Variants in OPTN observed in about 807,000 individuals in gnomAD.
OPTN encodes optineurin.
In OPTN, 54 loss-of-function variants were observed where a neutral mutation model predicts 70.4. That is an observed-to-expected ratio of 0.77 (90% CI 0.62 to 0.96). OPTN has a LOEUF of 0.96. Among genes scored for constraint, OPTN ranks in the 40% least tolerant of loss-of-function variants. The pLI, the probability that OPTN is intolerant of heterozygous loss-of-function variation, is 0.00. For missense variants in OPTN, 624 were observed against 673.2 expected, an observed-to-expected ratio of 0.93 and a Z score of 0.81; for synonymous variants, 256 against 248.5, an observed-to-expected ratio of 1.03 and a Z score of -0.28.
At chr10:13,116,934 G>A (rs886185939) in intron 6 of OPTN, among the ~76,000 whole-genome samples, 3 of 152,090 alleles carry the variant, frequency 2.0e-5, no homozygotes, top group African/African-American at 7.2e-5. Context: ...TGGGGAGGGA[G>A]GCAGACCTAG....
At chr10:13,115,435 AAT>A (rs1453258233) in intron 5 of OPTN, among the ~76,000 whole-genome samples, 15 of 104,778 alleles carry the variant, frequency 1.4e-4, no homozygotes, top group South Asian at 5.3e-4. Context: ...TATAATATAG[AAT>A]ATATATAATA....
intron 2 of OPTN, 68 bp from the exon 3 acceptor site, chr10:13,109,044 G>A: frequency 7.0e-7 from 1 of 1,432,048 alleles, no homozygotes; most frequent in Admixed American, 1.7e-5. Context: ...CAATGGGTTT[G>A]TGGGACTCCC....
intron 13 of OPTN, among the ~76,000 whole-genome samples, chr10:13,132,493 G>C (rs1254061673): frequency 6.6e-6 from 1 of 152,032 alleles, no homozygotes; most frequent in Non-Finnish European, 1.5e-5. Flanking sequence ...CAAGGATTTT[G>C]ATTTGATTTT....
At chr10:13,126,497 G>T (rs1833467635) in intron 11 of OPTN, among the ~76,000 whole-genome samples, 1 of 151,600 alleles carries the variant, frequency 6.6e-6, no homozygotes, top group Non-Finnish European at 1.5e-5. Flanking sequence ...AGCCAGGATG[G>T]TCTCGATCTC....
At position 13,116,347 on chromosome 10, in the gene OPTN, G is replaced by A; in HGVS notation, c.626+7G>A. On this transcript the variant is annotated splice_region_variant and intron_variant, in intron 6 of 14. Coordinates refer to ENST00000378747, the MANE Select transcript of OPTN (RefSeq NM_001008212.2). The stretch of plus-strand genomic sequence containing the variant: ...GAACAGTCTCCACTGGCACGTATGT[G>A]AAGGAAGACTCGGGCTGTCAGGCAG... The A allele has an allele frequency of 6.2e-7, 1 of 1,609,898 alleles. No individual in the cohort carries two copies.
intron 8 of OPTN, 58 bp downstream of exon 8, chr10:13,122,545 C>T: frequency 8.9e-7 from 1 of 1,117,964 alleles, no homozygotes; most frequent in Non-Finnish European, 1.4e-6. Flanking sequence ...GTAGTCCAGC[C>T]ACTGAATTCA....
At chr10:13,123,344 T>G (rs1483200781) in intron 8 of OPTN, 1 of 152,886 alleles carries the variant, frequency 6.5e-6, no homozygotes, top group African/African-American at 2.4e-5. Flanking sequence ...ACATAAAATA[T>G]TCACTTTAGG....
intron 8 of OPTN, chr10:13,123,141 T>C (rs1010238883): frequency 3.2e-5 from 5 of 154,750 alleles, no homozygotes; most frequent in African/African-American, 1.2e-4. Flanking sequence ...TGAGGGAGAA[T>C]TGAAAGATTT....
intron 7 of OPTN, among the ~76,000 whole-genome samples, chr10:13,121,466 G>A (rs993877840): frequency 1.6e-5 from 2 of 124,356 alleles, no homozygotes; most frequent in African/African-American, 6.5e-5. Context: ...CAGTCTGAAT[G>A]CCTTTTATTT....
chr10:13,122,614 A>T lies in OPTN; in HGVS notation c.882+127A>T, dbSNP rs1328106118. On this transcript the variant is annotated intron_variant, in intron 8 of 14. Transcript: ENST00000378747. ...AGAAATCATGTTGATATTGAATATTATCTATCTATTCCTTTTATATGTCCT... is the reference window on the plus strand; with the variant it reads ...AGAAATCATGTTGATATTGAATATTTTCTATCTATTCCTTTTATATGTCCT... 4.1e-6 allele frequency: 3 copies of T among 732,350 alleles called. No individual in the cohort carries two copies. In the Admixed American group the frequency reaches 6.0e-5, roughly 15 times the overall value. The allele number at this position is 732,350 out of a possible 1,614,324, so 45.4% of individuals were successfully genotyped here.
Position 13,132,107 on chromosome 10 carries a change from C to T in OPTN, c.1442C>T (p.Ala481Val), listed in dbSNP as rs377219791. Residue 481 changes from alanine to valine, a missense_variant, in exon 13 of 15, where the codon GCG becomes GTG. Physicochemically the swap from Ala to Val is moderately conservative, Grantham distance 64. Coordinates refer to ENST00000378747, the MANE Select transcript of OPTN (RefSeq NM_001008212.2). ...TCTGATTTTCATGCTGAAAGAGCAGCGAGAGAGAAAATTCATGAGGAAAAG... is the reference window on the plus strand; with the variant it reads ...TCTGATTTTCATGCTGAAAGAGCAGTGAGAGAGAAAATTCATGAGGAAAAG... ...YCSDFHAERA[A>V]REKIHEEKEQ... 5.5e-5 allele frequency: 88 copies of T among 1,613,102 alleles called. No homozygotes were observed. The highest frequency in any genetic ancestry group is 7.2e-5 in the Non-Finnish European group (85 of 1,179,488).
intron 2 of OPTN, chr10:13,108,908 G>A (rs369171744): frequency 2.6e-4 from 116 of 453,654 alleles, no homozygotes; most frequent in African/African-American, 2.2e-3. Flanking sequence ...ACACATGCGC[G>A]TGCACACACA....
At chr10:13,111,844 G>GTTTTTTTTTTTTTTTTT (rs34942122) in intron 4 of OPTN, among the ~76,000 whole-genome samples, 1 of 87,730 alleles carries the variant, frequency 1.1e-5, no homozygotes, top group Non-Finnish European at 2.1e-5. Flanking sequence ...TTTTTTGACT[G>GTTTTTTTTTTTTTTTTT]TTTTTTTTTT....
At chr10:13,111,200 G>A (rs867424424) in intron 4 of OPTN, among the ~76,000 whole-genome samples, 1 of 152,098 alleles carries the variant, frequency 6.6e-6, no homozygotes, top group South Asian at 2.1e-4. Flanking sequence ...GTTGGGTGGT[G>A]GGAACGTTTT....
intron 11 of OPTN, 55 bp downstream of exon 11, chr10:13,126,094 A>G: frequency 9.6e-7 from 1 of 1,038,392 alleles, no homozygotes; most frequent in Non-Finnish European, 1.5e-6. Flanking sequence ...AAACTGTTGA[A>G]CGTTTTGTAT....
chr10:13,127,125 C>T (rs1031439873), intron 11 of OPTN, among the ~76,000 whole-genome samples: 1 of 152,132 alleles, frequency 6.6e-6, no homozygotes, highest in Non-Finnish European at 1.5e-5. Context: ...GAATTTTTAG[C>T]CTTGTAAATA....
intron 5 of OPTN, among the ~76,000 whole-genome samples, chr10:13,115,365 TAC>T (rs1401134830): frequency 1.9e-5 from 2 of 104,936 alleles, no homozygotes; most frequent in African/African-American, 7.7e-5. Flanking sequence ...ATAATATATA[TAC>T]ACTTATATAT....
intron 5 of OPTN, among the ~76,000 whole-genome samples, chr10:13,115,513 TA>T (rs1564360036): frequency 9.9e-6 from 1 of 100,718 alleles, no homozygotes; most frequent in African/African-American, 4.8e-5. Context: ...AGAATATATA[TA>T]ATATATTCTA....
At chr10:13,104,904 G>T in intron 1 of OPTN, 1 of 280,718 alleles carries the variant, frequency 3.6e-6, no homozygotes, top group Non-Finnish European at 6.8e-6. Flanking sequence ...GAGGCGAGTC[G>T]GCCAGAAAGA....
Sources: allele counts gnomAD v4.1 joint callset (sites outside exome capture counted in the v4.1 genomes callset), GRCh38; gene constraint gnomAD v4.1.1; transcripts MANE v1.5; gene names NCBI Gene and HGNC (gene_info 2026-07-23, HGNC 2026-07-21).